HDAC9: variants seen among roughly 807,000 people sequenced by gnomAD.
The protein encoded by HDAC9 is MEF-2 interacting transcription repressor (MITR) protein.
A neutral mutation model predicts 139.4 loss-of-function variants in HDAC9; 41 were observed. The ratio of observed to expected loss-of-function variants is 0.29; its 90% CI spans 0.23 to 0.38. The LOEUF (loss-of-function observed/expected upper bound fraction) is 0.38. HDAC9 is among the 10% of genes least tolerant of loss of function. The pLI is 1.00. For synonymous variants in HDAC9, 517 were observed against 476.2 expected (o/e 1.09, Z -1.12); for missense variants, 1,147 against 1,297.0 (o/e 0.88, Z 1.78).
intron 1 of HDAC9, among the ~76,000 whole-genome samples, chr7:18,292,233 A>C (rs1403951132): frequency 6.6e-6 from 1 of 152,026 alleles, no homozygotes; most frequent in Admixed American, 6.6e-5. Context: ...TAATATCTTC[A>C]TTTTATAGAA....
intron 2 of HDAC9, among the ~76,000 whole-genome samples, chr7:18,232,221 G>T (rs1245033193): frequency 3.9e-5 from 6 of 152,068 alleles, no homozygotes; most frequent in Admixed American, 3.9e-4. Context: ...CTCAATATGT[G>T]TTGAGTGACT....
At chr7:18,789,012 G>A (rs899095811) in intron 16 of HDAC9, among the ~76,000 whole-genome samples, 3 of 151,954 alleles carry the variant, frequency 2.0e-5, no homozygotes, top group African/African-American at 7.3e-5. Context: ...GGTAGAAGGG[G>A]TCTCTACTCT....
intron 1 of HDAC9, among the ~76,000 whole-genome samples, chr7:18,461,614 C>A (rs1024731178): frequency 6.6e-6 from 1 of 152,066 alleles, no homozygotes; most frequent in Non-Finnish European, 1.5e-5. Context: ...AAAGCAACTG[C>A]GTGTTAAAAA....
intron 2 of HDAC9, among the ~76,000 whole-genome samples, chr7:18,215,783 G>T (rs1182127256): frequency 6.6e-6 from 1 of 152,126 alleles, no homozygotes; most frequent in Non-Finnish European, 1.5e-5. Context: ...TCTTCCTGAA[G>T]AAAAGATAAG....
intron 25 of HDAC9, among the ~76,000 whole-genome samples, chr7:18,994,278 G>C (rs1338199585): frequency 1.3e-5 from 2 of 152,188 alleles, no homozygotes; most frequent in African/African-American, 2.4e-5. Context: ...TATCCAGTTT[G>C]AGTTCTATAA....
intron 1 of HDAC9, chr7:18,395,161 C>G (rs1786901500): frequency 6.6e-6 from 1 of 151,984 alleles, no homozygotes; most frequent in African/African-American, 2.4e-5. Context: ...TTATGAGAAA[C>G]TGGAGGGAGG....
chr7:18,766,908 T>C (rs973922880), intron 15 of HDAC9, among the ~76,000 whole-genome samples, 198 bp from the exon 16 acceptor site: 2 of 152,332 alleles, frequency 1.3e-5, no homozygotes, highest in Admixed American at 1.3e-4. Context: ...CTTTTAGTTC[T>C]TATTTGTGTA....
chr7:18,935,973 G>A (rs997131443), intron 23 of HDAC9, 31 bp downstream of exon 23: 5 of 1,597,744 alleles, frequency 3.1e-6, no homozygotes, highest in African/African-American at 2.7e-5. Context: ...AGGGGCAGGG[G>A]TAAAGAATCA....
At chr7:18,180,550 A>G (rs188663685) in intron 2 of HDAC9, among the ~76,000 whole-genome samples, 30 of 152,218 alleles carry the variant, frequency 2.0e-4, no homozygotes, top group Admixed American at 1.2e-3. Flanking sequence ...TCAGAACTCA[A>G]TGGGCTGTAT....
At chr7:18,711,578 C>T (rs1784347487) in intron 12 of HDAC9, among the ~76,000 whole-genome samples, 1 of 152,172 alleles carries the variant, frequency 6.6e-6, no homozygotes, top group Admixed American at 6.5e-5. Context: ...CCACCAATAC[C>T]AGCTGTGGTC....
intron 12 of HDAC9, among the ~76,000 whole-genome samples, chr7:18,705,966 G>T (rs746552419): frequency 8.6e-5 from 13 of 151,576 alleles, no homozygotes; most frequent in Non-Finnish European, 1.6e-4. Context: ...AATTAATCCT[G>T]TAGTGGAAAG....
intron 19 of HDAC9, among the ~76,000 whole-genome samples, chr7:18,834,769 G>A (rs905033677): frequency 1.5e-4 from 23 of 151,960 alleles, no homozygotes; most frequent in African/African-American, 5.6e-4. Flanking sequence ...AAGTTTTTTT[G>A]CATCTGGCTT....
chr7:18,878,946 A>T lies in HDAC9; in HGVS notation c.2803+4350A>T, dbSNP rs115314226. Reference sequence around the variant, plus strand: ...GCCCAAAAGCTCCTTTGGCTGACAAACAACTTCATCAAAGTTTCAAGATGC... The same window carrying T: ...GCCCAAAAGCTCCTTTGGCTGACAATCAACTTCATCAAAGTTTCAAGATGC... On this transcript the variant is annotated intron_variant, in intron 22 of 25. Coordinates refer to ENST00000686413, the MANE Select transcript of HDAC9 (RefSeq NM_178425.4). Among the ~76,000 whole-genome samples, 95 of 152,290 alleles carry T rather than the reference A, an allele frequency of 6.2e-4. 1 individual carries two copies. The highest frequency in any genetic ancestry group is 1.0e-3 in the Admixed American group (16 of 15,278).
chr7:18,861,211 T>C (rs1177626350), intron 21 of HDAC9, among the ~76,000 whole-genome samples: 1 of 152,168 alleles, frequency 6.6e-6, no homozygotes, highest in African/African-American at 2.4e-5. Context: ...TATAATTACA[T>C]TCTACATTTC....
At chr7:18,385,497 TA>T (rs1272772025) in intron 1 of HDAC9, among the ~76,000 whole-genome samples, 1 of 152,210 alleles carries the variant, frequency 6.6e-6, no homozygotes, top group Non-Finnish European at 1.5e-5. Flanking sequence ...ACTATATCAC[TA>T]TAGATACATT....
At chr7:18,826,069 GAC>G (rs1795408611) in intron 17 of HDAC9, among the ~76,000 whole-genome samples, 2 of 152,200 alleles carry the variant, frequency 1.3e-5, no homozygotes, top group Admixed American at 1.3e-4. Context: ...TGCAGGCAGT[GAC>G]ACAGATTTTA....
In HDAC9 at chr7:18,495,948, C is replaced by T. The variant is rs1796826619; in HGVS notation, c.-117C>T. 1 of 1,244,186 alleles carries T rather than the reference C, an allele frequency of 8.0e-7. No individual in the cohort carries two copies. Among genetic ancestry groups the T allele is most frequent in the Non-Finnish European group, 1.0e-6 (1 of 995,336 alleles). The allele number at this position is 1,244,186 out of a possible 1,614,324, so 77.1% of individuals were successfully genotyped here. ...CCCGAAGCACGTTCCTATTTCCCAC[C>T]TGCTTGTAGTTTCCGGGATAACCTA... On this transcript the variant is annotated 5_prime_UTR_variant, in exon 1 of 26. Transcript: ENST00000686413.
intron 1 of HDAC9, among the ~76,000 whole-genome samples, chr7:18,465,464 T>C (rs926846046): frequency 4.6e-5 from 7 of 152,166 alleles, no homozygotes; most frequent in East Asian, 1.9e-4. Context: ...GTCTGATTTC[T>C]GTGGAGGTGG....
In HDAC9 at chr7:18,798,444, C is replaced by T. The variant is rs115050368; in HGVS notation, c.2322+4992C>T. On this transcript the variant is annotated intron_variant, in intron 17 of 25. Coordinates refer to ENST00000686413, the MANE Select transcript of HDAC9 (RefSeq NM_178425.4). ...AGAGATTTGTGGTGTTTTAACTCAT[C>T]GTATTTCCATCTTCCCCTTTCTAGG... Among the ~76,000 whole-genome samples, 466 of 152,264 alleles carry T rather than the reference C, an allele frequency of 3.1e-3. 2 individuals are homozygous for T. Among genetic ancestry groups the T allele is most frequent in the African/African-American group, 0.01 (435 of 41,542 alleles).
Sources: gnomAD v4.1 joint callset for allele counts (sites outside exome capture counted in the v4.1 genomes callset) on GRCh38, gnomAD v4.1.1 for gene constraint, MANE v1.5 for transcripts, NCBI Gene and HGNC (gene_info 2026-07-23, HGNC 2026-07-21) for gene names.